The following KCNT2 variants were observed in gnomAD, a reference collection of about 807,000 sequenced individuals.
KCNT2 encodes the protein potassium channel subfamily T member 2.
KCNT2 carries 67 observed loss-of-function variants against 153.8 expected under a neutral mutation model. The observed-to-expected ratio is 0.44, with a 90% CI of 0.36 to 0.53. The LOEUF is 0.53. Ranked by LOEUF, KCNT2 falls within the 20% of genes least tolerant of loss-of-function variation. KCNT2 has a pLI of 0.00. For missense variants in KCNT2, 975 were observed against 1,354.8 expected (o/e 0.72, Z 4.40); for synonymous variants, 500 against 458.8 (o/e 1.09, Z -1.15).
intron 14 of KCNT2, among the ~76,000 whole-genome samples, chr1:196,370,683 C>T (rs141331808): frequency 2.8e-4 from 42 of 152,126 alleles, no homozygotes; most frequent in African/African-American, 9.1e-4. Context: ...AGTGACCATA[C>T]GACCCAGCAA....
chr1:196,509,159 C>G (rs979163471), intron 1 of KCNT2, among the ~76,000 whole-genome samples: 1 of 151,334 alleles, frequency 6.6e-6, no homozygotes, highest in African/African-American at 2.4e-5. Context: ...ATCCTAGCTA[C>G]TCGGGAGGCT....
intron 1 of KCNT2, among the ~76,000 whole-genome samples, chr1:196,503,858 C>G (rs913797858): frequency 6.6e-6 from 1 of 152,094 alleles, no homozygotes; most frequent in Non-Finnish European, 1.5e-5. Context: ...TTGCACTTAA[C>G]TGGAAGAAGT....
intron 8 of KCNT2, among the ~76,000 whole-genome samples, chr1:196,440,506 A>G (rs974249289): frequency 1.3e-5 from 2 of 152,106 alleles, no homozygotes; most frequent in Admixed American, 6.6e-5. Flanking sequence ...GAATATTTCA[A>G]AGAGTTAGGG....
intron 14 of KCNT2, among the ~76,000 whole-genome samples, chr1:196,364,305 T>A (rs1667865957): frequency 6.6e-6 from 1 of 152,134 alleles, no homozygotes; most frequent in African/African-American, 2.4e-5. Context: ...GTCATTAAAA[T>A]ATGTTTAACC....
chr1:196,438,031 A>G (rs561940441), intron 8 of KCNT2, among the ~76,000 whole-genome samples: 2 of 151,720 alleles, frequency 1.3e-5, no homozygotes, highest in African/African-American at 4.8e-5. Flanking sequence ...CTCAAACTTC[A>G]TGCTCCTCAA....
Position 196,342,084 on chromosome 1 carries a change from G to C in KCNT2, c.1548C>G (p.His516Gln). ...KSFTYASFHA[H>Q]KKFGVCLIGV... ...TCTCTGAGGCAGAAACATACTTTTT[G>C]TGTGCATGGAAAGAGGCATATGTAA... The change falls in exon 15 of 28, where the codon CAC (histidine) becomes CAG (glutamine). Residue 516 changes from histidine (H) to glutamine (Q), a missense_variant. His to Gln is a conservative substitution (Grantham distance 24). Transcript: ENST00000294725. The C allele has an allele frequency of 6.3e-7, 1 of 1,596,008 alleles. No homozygotes were observed. Among genetic ancestry groups the C allele is most frequent in the Non-Finnish European group, 8.5e-7 (1 of 1,171,572 alleles).
intron 12 of KCNT2, among the ~76,000 whole-genome samples, chr1:196,421,822 T>G (rs928775007): frequency 1.3e-5 from 2 of 152,024 alleles, no homozygotes; most frequent in Admixed American, 1.3e-4. Flanking sequence ...TGGATCTTCC[T>G]GAGAGCTGTG....
chr1:196,557,329 T>A (rs926464281), intron 1 of KCNT2, among the ~76,000 whole-genome samples: 1 of 151,208 alleles, frequency 6.6e-6, no homozygotes, highest in Non-Finnish European at 1.5e-5. Context: ...TAGAATGACA[T>A]AAAGGGATGG....
intron 1 of KCNT2, among the ~76,000 whole-genome samples, chr1:196,599,400 A>T (rs1264857497): frequency 2.0e-5 from 3 of 152,210 alleles, no homozygotes; most frequent in African/African-American, 7.2e-5. Context: ...CAGTGCAAGA[A>T]AGCCAGGAAC....
At chr1:196,247,860 A>G (rs779950151) in intron 26 of KCNT2, among the ~76,000 whole-genome samples, 1 of 152,196 alleles carries the variant, frequency 6.6e-6, no homozygotes, top group East Asian at 1.9e-4. Context: ...TCTTCTCCTT[A>G]GTATATGGAT....
intron 1 of KCNT2, among the ~76,000 whole-genome samples, chr1:196,523,360 A>G (rs1261894196): frequency 2.6e-5 from 4 of 152,208 alleles, no homozygotes; most frequent in African/African-American, 9.6e-5. Context: ...AGCAAGACCA[A>G]GAACCCACTG....
At chr1:196,364,426 A>C (rs1373525840) in intron 14 of KCNT2, among the ~76,000 whole-genome samples, 3 of 152,158 alleles carry the variant, frequency 2.0e-5, no homozygotes, top group Non-Finnish European at 2.9e-5. Flanking sequence ...AACCATATGA[A>C]ATTACAGAAT....
Position 196,348,816 on chromosome 1 carries a change from G to A in KCNT2, c.1404-6588C>T, listed in dbSNP as rs191662073. On this transcript the variant is annotated intron_variant, in intron 14 of 27. Transcript: ENST00000294725. ...TGAGGAGGGTGGATCTCATGATGTC[G>A]GGGGTTTGAGACCAGCCTGACCAAC... 4.5e-3 allele frequency among the ~76,000 whole-genome samples: 685 copies of A among 151,912 alleles called. 4 individuals are homozygous for A. Among genetic ancestry groups the A allele is most frequent in the African/African-American group, 0.015 (617 of 41,446 alleles).
chr1:196,336,856 A>G (rs992332358), intron 16 of KCNT2, among the ~76,000 whole-genome samples: 1 of 152,192 alleles, frequency 6.6e-6, no homozygotes, highest in African/African-American at 2.4e-5. Flanking sequence ...CACCTCACTC[A>G]TTGGGTTTTC....
chr1:196,422,935 A>G (rs1572396764), intron 12 of KCNT2, 115 bp downstream of exon 12: 2 of 551,772 alleles, frequency 3.6e-6, no homozygotes, highest in East Asian at 6.1e-5. Flanking sequence ...GTTTCCTTTT[A>G]GTAAAACTTT....
At position 196,409,270 on chromosome 1, in the gene KCNT2, G is replaced by A. The variant is rs533444702; in HGVS notation, c.1186-10599C>T. On this transcript the variant is annotated intron_variant, in intron 12 of 27. Transcript: ENST00000294725. Reference sequence around the variant, plus strand: ...CTATTCTTTGTTCCCTTTTATTGCCGCCTTTTGCATTAAATATATTTATTG... The same window carrying A: ...CTATTCTTTGTTCCCTTTTATTGCCACCTTTTGCATTAAATATATTTATTG... Among the ~76,000 whole-genome samples, 12 of 150,614 alleles carry A rather than the reference G, an allele frequency of 8.0e-5. No individual in the cohort carries two copies. In the South Asian group the frequency reaches 8.4e-4, roughly 10 times the overall value.
chr1:196,514,826 A>ATCACGAAACT (rs1240985968), intron 1 of KCNT2, among the ~76,000 whole-genome samples: 2 of 152,170 alleles, frequency 1.3e-5, no homozygotes, highest in Non-Finnish European at 2.9e-5. Context: ...AATTCTGCTA[A>ATCACGAAACT]ATGTGTCTTT....
chr1:196,435,139 G>GTATGTA (rs1674522004), intron 8 of KCNT2, among the ~76,000 whole-genome samples: 4 of 45,716 alleles, frequency 8.7e-5, no homozygotes, highest in Non-Finnish European at 1.6e-4. Flanking sequence ...GTGTGTGTAT[G>GTATGTA]TATATATATA....
At chr1:196,352,897 T>TA (rs1269868839) in intron 14 of KCNT2, among the ~76,000 whole-genome samples, 2 of 152,160 alleles carry the variant, frequency 1.3e-5, no homozygotes. Flanking sequence ...TAGATTCTGG[T>TA]ATGTTGTGTC....
Sources: gnomAD v4.1 joint callset for allele counts (sites outside exome capture counted in the v4.1 genomes callset) on GRCh38, gnomAD v4.1.1 for gene constraint, MANE v1.5 for transcripts, NCBI Gene and HGNC (gene_info 2026-07-23, HGNC 2026-07-21) for gene names.